The following ARL6 variants were observed in gnomAD, a reference collection of about 807,000 sequenced individuals.
The protein encoded by ARL6 is ADP-ribosylation factor-like protein 6.
In ARL6, 18 loss-of-function variants were observed where a neutral mutation model predicts 27.1. The observed-to-expected ratio is 0.66, with a 90% CI of 0.46 to 0.98. The LOEUF (loss-of-function observed/expected upper bound fraction) is 0.98, where lower values mean the gene tolerates loss of function less well. Among genes scored for constraint, ARL6 ranks in the 50% least tolerant of loss-of-function variants. The pLI is 0.00. For missense variants in ARL6, 187 were observed against 214.9 expected (o/e 0.87, Z 0.81); for synonymous variants, 65 against 72.3 (o/e 0.90, Z 0.51).
At chr3:97,779,056 G>A (rs1273363698) in intron 2 of ARL6, among the ~76,000 whole-genome samples, 1 of 152,182 alleles carries the variant, frequency 6.6e-6, no homozygotes, top group Non-Finnish European at 1.5e-5. Flanking sequence ...TAGATTGTTA[G>A]TATAATACAT....
At chr3:97,774,609 C>T (rs929992566) in intron 2 of ARL6, among the ~76,000 whole-genome samples, 1 of 152,144 alleles carries the variant, frequency 6.6e-6, no homozygotes, top group Admixed American at 6.6e-5. Context: ...TCAGGGTCCT[C>T]CCACACATCC....
At chr3:97,780,315 T>G (rs1029024719) in intron 3 of ARL6, 95 bp downstream of exon 3, 4 of 1,024,868 alleles carry the variant, frequency 3.9e-6, no homozygotes, top group Non-Finnish European at 5.9e-6. Flanking sequence ...ATAAAGTAAT[T>G]TGTTGTTTCA....
intron 2 of ARL6, among the ~76,000 whole-genome samples, chr3:97,779,662 C>T (rs1205019921): frequency 1.3e-5 from 2 of 152,090 alleles, no homozygotes; most frequent in South Asian, 2.1e-4. Context: ...GTTAGGAGAT[C>T]GAGACCATCC....
At chr3:97,767,112 A>G (rs1460373717) in intron 1 of ARL6, among the ~76,000 whole-genome samples, 1 of 152,122 alleles carries the variant, frequency 6.6e-6, no homozygotes, top group African/African-American at 2.4e-5. Flanking sequence ...TGGATTGCTG[A>G]TAGTTTTTTT....
intron 7 of ARL6, 103 bp downstream of exon 7, chr3:97,791,929 C>G: frequency 9.6e-7 from 1 of 1,047,078 alleles, no homozygotes; most frequent in Non-Finnish European, 1.4e-6. Context: ...CTTTTTTCCT[C>G]TTTCCATTTA....
At chr3:97,775,089 C>A (rs984277184) in intron 2 of ARL6, among the ~76,000 whole-genome samples, 2 of 152,068 alleles carry the variant, frequency 1.3e-5, no homozygotes, top group African/African-American at 2.4e-5. Context: ...AAAGTAGAGT[C>A]CTTAGCATTT....
chr3:97,787,488 T>G (rs953432743), intron 5 of ARL6, among the ~76,000 whole-genome samples: 2 of 152,188 alleles, frequency 1.3e-5, no homozygotes, highest in Non-Finnish European at 1.5e-5. Flanking sequence ...CTTCTGAATT[T>G]TGAACTATTT....
At chr3:97,790,228 C>T (rs565327168) in intron 6 of ARL6, among the ~76,000 whole-genome samples, 16 of 152,188 alleles carry the variant, frequency 1.1e-4, no homozygotes, top group Non-Finnish European at 1.9e-4. Flanking sequence ...GGGAGTTCCT[C>T]CCTCTCTGAG....
At chr3:97,790,051 TTGTGTGTGTGTGTGTGTGTGTGTG>T (rs3058067) in intron 6 of ARL6, among the ~76,000 whole-genome samples, 4 of 137,072 alleles carry the variant, frequency 2.9e-5, no homozygotes, top group Non-Finnish European at 6.3e-5. Context: ...GGCATCATGA[TTGTGTGTGTGTGTGTGTGTGTGTG>T]TGTGTGTGTG....
intron 1 of ARL6, among the ~76,000 whole-genome samples, chr3:97,767,278 T>C (rs2036429257): frequency 6.6e-6 from 1 of 152,182 alleles, no homozygotes. Context: ...TATTCTATAC[T>C]AATACGATAA....
chr3:97,799,222 C>G lies in ARL6; in HGVS notation c.*1173C>G, dbSNP rs989184664. The G allele has an allele frequency of 6.6e-6, 1 of 151,876 alleles. No homozygotes were observed. Among genetic ancestry groups the G allele is most frequent in the Non-Finnish European group, 1.5e-5 (1 of 67,900 alleles). The allele number at this position is 151,876 out of a possible 1,614,324, so 9.4% of individuals were successfully genotyped here. On this transcript the variant is annotated 3_prime_UTR_variant, in exon 8 of 8. Transcript: ENST00000463745. Reference sequence around the variant, plus strand: ...CTTTGAAAATGATGAAAATAGAAGGCAAAAGTAAGTGAGTAATAAAGATGT... The same window carrying G: ...CTTTGAAAATGATGAAAATAGAAGGGAAAAGTAAGTGAGTAATAAAGATGT...
chr3:97,792,245 G>A (rs1156929321), intron 7 of ARL6, among the ~76,000 whole-genome samples: 1 of 152,152 alleles, frequency 6.6e-6, no homozygotes, highest in African/African-American at 2.4e-5. Flanking sequence ...TGTAATCCCA[G>A]CACTTTGGGA....
chr3:97,772,715 G>A (rs527625576), intron 2 of ARL6, among the ~76,000 whole-genome samples: 2 of 147,262 alleles, frequency 1.4e-5, no homozygotes, highest in South Asian at 4.3e-4. Context: ...TCTGCCTCCC[G>A]GGTTCAAGCG....
At chr3:97,772,972 G>GTTTT (rs2036713997) in intron 2 of ARL6, among the ~76,000 whole-genome samples, 1 of 152,030 alleles carries the variant, frequency 6.6e-6, no homozygotes, top group African/African-American at 2.4e-5. Flanking sequence ...GTTAGTACTG[G>GTTTT]TTTTGCAGTA....
At chr3:97,766,949 G>A (rs1276237329) in intron 1 of ARL6, among the ~76,000 whole-genome samples, 1 of 151,540 alleles carries the variant, frequency 6.6e-6, no homozygotes, top group African/African-American at 2.4e-5. Flanking sequence ...GGGGAGCAAT[G>A]GACCCAAAGT....
chr3:97,768,111 G>T lies in ARL6; in HGVS notation c.4G>T (p.Gly2Ter), dbSNP rs771628868. ...TTGTAAATATTTGAATCACATTATGGGATTGCTAGACAGACTTTCAGTCTT... is the reference window on the plus strand; with the variant it reads ...TTGTAAATATTTGAATCACATTATGTGATTGCTAGACAGACTTTCAGTCTT... M[G>*]LLDRLSVLLG... The change falls in exon 2 of 8, where the codon GGA (glycine) becomes TGA (stop). Residue 2 changes from glycine to a stop codon, truncating the protein, a stop_gained. Transcript: ENST00000463745. LOFTEE classifies it high-confidence loss of function. 2.5e-6 allele frequency: 4 copies of T among 1,612,562 alleles called. No homozygotes were observed. Among genetic ancestry groups the T allele is most frequent in the Non-Finnish European group, 2.5e-6 (3 of 1,178,954 alleles).
At chr3:97,768,251 C>G (rs373105982) in intron 2 of ARL6, 21 bp downstream of exon 2, 122 of 1,609,384 alleles carry the variant, frequency 7.6e-5, no homozygotes, top group Non-Finnish European at 9.9e-5. Context: ...TTGTTAGATG[C>G]TTTATGTATT....
At chr3:97,771,363 G>A (rs949676437) in intron 2 of ARL6, among the ~76,000 whole-genome samples, 7 of 151,894 alleles carry the variant, frequency 4.6e-5, no homozygotes, top group African/African-American at 1.7e-4. Context: ...GTGGACTTTT[G>A]TATCCTGAAA....
intron 7 of ARL6, among the ~76,000 whole-genome samples, chr3:97,796,711 A>C (rs922162926): frequency 1.3e-5 from 2 of 152,162 alleles, no homozygotes; most frequent in Non-Finnish European, 2.9e-5. Context: ...CTTCCTGAGA[A>C]AAAAAATTAA....
Sources: gnomAD v4.1 joint callset for allele counts (sites outside exome capture counted in the v4.1 genomes callset) on GRCh38, gnomAD v4.1.1 for gene constraint, MANE v1.5 for transcripts, NCBI Gene and HGNC (gene_info 2026-07-23, HGNC 2026-07-21) for gene names.